Variants in NRXN1 observed in about 807,000 individuals in gnomAD.
NRXN1 encodes neurexin 1.
NRXN1 carries 39 observed loss-of-function variants against 150.9 expected under a neutral mutation model. The observed-to-expected ratio is 0.26, with a 90% CI of 0.20 to 0.34. The LOEUF is 0.34. Among genes scored for constraint, NRXN1 ranks in the 10% least tolerant of loss-of-function variants. The pLI is 1.00. For synonymous variants in NRXN1, 924 were observed against 757.0 expected (o/e 1.22, Z -3.62); for missense variants, 1,815 against 1,949.9 (o/e 0.93, Z 1.30).
chr2:50,841,319 A>C (rs1435769191), intron 5 of NRXN1, among the ~76,000 whole-genome samples: 2 of 152,184 alleles, frequency 1.3e-5, no homozygotes, highest in Admixed American at 1.3e-4. Context: ...TTCCAGCCAT[A>C]CCTGGATTTT....
chr2:50,238,391 C>T (rs549384514), intron 17 of NRXN1, among the ~76,000 whole-genome samples: 8 of 152,056 alleles, frequency 5.3e-5, no homozygotes, highest in South Asian at 2.1e-4. Flanking sequence ...GTCCCATAAT[C>T]GATACCCCTA....
chr2:50,625,976 A>G (rs1023393372), intron 5 of NRXN1, among the ~76,000 whole-genome samples: 16 of 152,064 alleles, frequency 1.1e-4, no homozygotes, highest in African/African-American at 3.4e-4. Context: ...AAACAGGACA[A>G]GGATTCCCAC....
chr2:49,997,912 TA>T (rs1251749552), intron 21 of NRXN1, among the ~76,000 whole-genome samples: 1 of 152,106 alleles, frequency 6.6e-6, no homozygotes, highest in African/African-American at 2.4e-5. Flanking sequence ...GTGAGGGCAA[TA>T]AAAATAACCT....
intron 5 of NRXN1, among the ~76,000 whole-genome samples, chr2:50,710,775 C>T (rs1345754717): frequency 6.6e-6 from 1 of 152,070 alleles, no homozygotes; most frequent in African/African-American, 2.4e-5. Context: ...TGCTTCTCTG[C>T]TTTTTTTGGC....
intron 5 of NRXN1, among the ~76,000 whole-genome samples, chr2:50,730,856 G>A (rs933224359): frequency 1.3e-5 from 2 of 151,838 alleles, no homozygotes; most frequent in African/African-American, 2.4e-5. Flanking sequence ...TGTATTTTTA[G>A]TAGAGACAGG....
intron 17 of NRXN1, among the ~76,000 whole-genome samples, chr2:50,274,615 T>G (rs1199106194): frequency 6.6e-6 from 1 of 151,902 alleles, no homozygotes; most frequent in East Asian, 1.9e-4. Flanking sequence ...GGAAGAAAAA[T>G]AAACTAAAAT....
intron 17 of NRXN1, among the ~76,000 whole-genome samples, chr2:50,329,611 GTGTGTGTATATATATA>G (rs2076638846): frequency 1.3e-4 from 3 of 22,494 alleles, no homozygotes; most frequent in Admixed American, 6.9e-4. Flanking sequence ...GTGTGTGTGT[GTGTGTGTATATATATA>G]TATATATATA....
intron 5 of NRXN1, among the ~76,000 whole-genome samples, chr2:50,772,874 T>C (rs915476234): frequency 6.6e-5 from 10 of 152,080 alleles, no homozygotes; most frequent in African/African-American, 1.2e-4. Context: ...TAGATATTCA[T>C]TGAGACATAG....
chr2:50,467,168 C>A (rs6726267), intron 16 of NRXN1, among the ~76,000 whole-genome samples: 89,463 of 151,482 alleles, frequency 0.59, 26,846 homozygotes, highest in Middle Eastern at 0.7. Flanking sequence ...TGGGTATATG[C>A]CACTTATGAA....
intron 21 of NRXN1, among the ~76,000 whole-genome samples, chr2:49,999,014 A>G (rs1683467912): frequency 6.8e-6 from 1 of 146,914 alleles, no homozygotes; most frequent in Non-Finnish European, 1.5e-5. Flanking sequence ...TGCTTCTCGT[A>G]CTTTAGTGTA....
At chr2:50,547,527 G>A (rs1215812211) in intron 9 of NRXN1, 1 of 152,156 alleles carries the variant, frequency 6.6e-6, no homozygotes, top group African/African-American at 2.4e-5. Context: ...GGGAAGTCTG[G>A]AAAGAGAGAG....
intron 5 of NRXN1, among the ~76,000 whole-genome samples, chr2:50,880,235 A>G (rs1679225770): frequency 6.6e-6 from 1 of 151,990 alleles, no homozygotes; most frequent in Non-Finnish European, 1.5e-5. Flanking sequence ...AAAACTTTAT[A>G]TGTTGGCACC....
chr2:51,018,083 T>C (rs1669013526), intron 2 of NRXN1, among the ~76,000 whole-genome samples: 2 of 152,112 alleles, frequency 1.3e-5, no homozygotes, highest in South Asian at 2.1e-4. Flanking sequence ...TGTTTCCATA[T>C]ACGGGCCAGG....
At chr2:51,022,504 T>C (rs923317906) in intron 2 of NRXN1, among the ~76,000 whole-genome samples, 4 of 152,178 alleles carry the variant, frequency 2.6e-5, no homozygotes, top group African/African-American at 7.2e-5. Flanking sequence ...TTTTTATTAT[T>C]ACCTCATAGT....
At chr2:50,040,719 T>C (rs1215472719) in intron 21 of NRXN1, among the ~76,000 whole-genome samples, 1 of 152,136 alleles carries the variant, frequency 6.6e-6, no homozygotes, top group South Asian at 2.1e-4. Flanking sequence ...CACTTACATA[T>C]GTACAACAAA....
At chr2:50,792,809 ACT>A (rs1706244655) in intron 5 of NRXN1, among the ~76,000 whole-genome samples, 1 of 152,076 alleles carries the variant, frequency 6.6e-6, no homozygotes. Flanking sequence ...TTTCTGAACA[ACT>A]CTAAAAAATA....
chr2:50,654,319 G>A (rs1283200234), intron 5 of NRXN1, among the ~76,000 whole-genome samples: 1 of 150,602 alleles, frequency 6.6e-6, no homozygotes, highest in African/African-American at 2.4e-5. Flanking sequence ...TGAGAATGAT[G>A]GTTTCCAGCT....
chr2:50,885,127 C>T (rs1383783571), intron 5 of NRXN1, among the ~76,000 whole-genome samples: 2 of 151,450 alleles, frequency 1.3e-5, no homozygotes, highest in Non-Finnish European at 3.0e-5. Flanking sequence ...ACTATAGCAA[C>T]CTTGCAAGGT....
intron 5 of NRXN1, among the ~76,000 whole-genome samples, chr2:50,911,646 G>A (rs925218199): frequency 1.1e-4 from 16 of 151,690 alleles, no homozygotes; most frequent in Admixed American, 5.9e-4. Flanking sequence ...GATTTTAAAC[G>A]TGAGCTCAGT....
Sources: gnomAD v4.1 joint callset for allele counts (sites outside exome capture counted in the v4.1 genomes callset) on GRCh38, gnomAD v4.1.1 for gene constraint, MANE v1.5 for transcripts, NCBI Gene and HGNC (gene_info 2026-07-23, HGNC 2026-07-21) for gene names.